ENKUR: variants seen among roughly 807,000 people sequenced by gnomAD.
ENKUR encodes the protein enkurin, TRPC channel interacting protein, also known as enkurin.
Under a neutral mutation model 27.6 loss-of-function variants are expected in ENKUR, and 19 were observed. The observed-to-expected ratio is 0.69, with a 90% CI of 0.48 to 1.01. The LOEUF is 1.01. Among genes scored for constraint, ENKUR ranks in the 50% least tolerant of loss-of-function variants. ENKUR has a pLI of 0.00. For missense variants in ENKUR, 312 were observed against 310.5 expected (o/e 1.00, Z -0.04); for synonymous variants, 117 against 96.9 (o/e 1.21, Z -1.22).
rs183278743 is a variant in ENKUR, at chr10:24,994,420, G to A, written c.447+1226C>T. Reference sequence around the variant, plus strand: ...GCGACCTTGGCTCACTGCAACCCCCGCCTCCTGGGATCAAGCGATTCTCGT... The same window carrying A: ...GCGACCTTGGCTCACTGCAACCCCCACCTCCTGGGATCAAGCGATTCTCGT... On this transcript the variant is annotated intron_variant, in intron 3 of 5. Transcript: ENST00000331161. Among the ~76,000 whole-genome samples the A allele has an allele frequency of 8.7e-5, 13 of 148,724 alleles. No individual in the cohort carries two copies. The East Asian group carries it at 2.2e-3, about 25-fold the overall frequency.
upstream of ENKUR, chr10:25,016,160 C>A (rs1051694497): frequency 8.3e-6 from 10 of 1,198,748 alleles, no homozygotes; most frequent in Non-Finnish European, 1.0e-5. Context: ...GTTGACTGTG[C>A]GGTTGCCGTG....
chr10:25,024,360 A>T (rs1433476333), intron 2 of ENKUR: 1 of 1,613,974 alleles, frequency 6.2e-7, no homozygotes, highest in Non-Finnish European at 8.5e-7. Flanking sequence ...TAGCTACTTC[A>T]GGAGACACAG....
intron 2 of ENKUR, among the ~76,000 whole-genome samples, chr10:25,028,544 C>G (rs1428618370): frequency 2.0e-5 from 3 of 152,162 alleles, no homozygotes; most frequent in Admixed American, 6.5e-5. Context: ...TGTAACCTTT[C>G]TTCTTATGGT....
At chr10:25,061,066 G>A (rs769813403) in intron 2 of ENKUR, 2 of 1,526,292 alleles carry the variant, frequency 1.3e-6, no homozygotes, top group East Asian at 2.4e-5. Flanking sequence ...CTATTAGGCT[G>A]GCTGCCCAGA....
intron 2 of ENKUR, among the ~76,000 whole-genome samples, chr10:25,034,440 T>C (rs1256787372): frequency 6.6e-6 from 1 of 152,184 alleles, no homozygotes; most frequent in East Asian, 1.9e-4. Flanking sequence ...CTGGGTTGAG[T>C]GGCCTAATCT....
intron 2 of ENKUR, among the ~76,000 whole-genome samples, chr10:25,040,241 A>T (rs1851048197): frequency 6.6e-6 from 1 of 152,178 alleles, no homozygotes; most frequent in African/African-American, 2.4e-5. Context: ...GCTAGATTCA[A>T]GGTGTGGGGA....
chr10:24,984,902 G>T lies in ENKUR; in HGVS notation c.598C>A (p.Leu200Met). Residue 200 changes from leucine to methionine, a missense_variant, in exon 5 of 6, where the codon CTG becomes ATG. Leu to Met is a conservative substitution (Grantham distance 15). Transcript: ENST00000331161. ...TGCACCTCTTCCCAGTTCTTTTTCA[G>T]CCCCTGCAAATGGTCAAGAAACTTG... ...DEEREAVLQGLKKNWEEVHKE... is the reference protein window; with the variant it reads ...DEEREAVLQGMKKNWEEVHKE... 1 of 1,610,714 alleles carries T rather than the reference G, an allele frequency of 6.2e-7. No homozygotes were observed.
intron 1 of ENKUR, among the ~76,000 whole-genome samples, chr10:25,013,306 T>C (rs1444956959): frequency 1.3e-5 from 2 of 152,192 alleles, no homozygotes; most frequent in African/African-American, 4.8e-5. Context: ...AATTTGCAAA[T>C]GACACAAAAA....
chr10:25,057,861 C>T (rs972665074), intron 2 of ENKUR, among the ~76,000 whole-genome samples: 4 of 152,080 alleles, frequency 2.6e-5, no homozygotes, highest in African/African-American at 9.7e-5. Context: ...TTTCAGGTCA[C>T]TGGAAATCTC....
At chr10:24,996,663 A>G (rs893501082) in intron 2 of ENKUR, among the ~76,000 whole-genome samples, 2 of 152,180 alleles carry the variant, frequency 1.3e-5, no homozygotes, top group Non-Finnish European at 2.9e-5. Context: ...TTCCAATTTT[A>G]ACCCCATCAC....
In ENKUR at chr10:25,003,181, AATTT is replaced by A. The variant is rs1243249947; in HGVS notation, c.78-3639_78-3636del. 7.6e-3 allele frequency among the ~76,000 whole-genome samples: 1,120 copies of A among 146,978 alleles called. 4 individuals carry two copies. Among genetic ancestry groups the A allele is most frequent in the Admixed American group, 0.012 (176 of 14,800 alleles). ...TCTTTAATTAATTAATTAATTAATT[AATTT>A]ATTTATTTATTCATTTATTTTTTGC... On this transcript the variant is annotated intron_variant, in intron 1 of 5. Transcript: ENST00000331161.
At chr10:24,985,040 TTATCA>T in intron 4 of ENKUR, 135 bp from the exon 5 acceptor site, 1 of 757,996 alleles carries the variant, frequency 1.3e-6, no homozygotes, top group Non-Finnish European at 2.1e-6. Context: ...TGAAATGTAT[TTATCA>T]AGTACTTGGC....
At chr10:24,991,209 C>T (rs1037335235) in intron 3 of ENKUR, among the ~76,000 whole-genome samples, 9 of 152,012 alleles carry the variant, frequency 5.9e-5, no homozygotes, top group African/African-American at 1.9e-4. Flanking sequence ...GCTTTTCTAC[C>T]TTCTACGTTC....
At chr10:24,985,631 T>A (rs928205540) in intron 4 of ENKUR, among the ~76,000 whole-genome samples, 1 of 152,246 alleles carries the variant, frequency 6.6e-6, no homozygotes, top group Non-Finnish European at 1.5e-5. Flanking sequence ...TTAGGAGCAA[T>A]AAAAGTTATT....
intron 1 of ENKUR, among the ~76,000 whole-genome samples, chr10:25,011,731 A>G (rs1321302139): frequency 6.6e-6 from 1 of 152,256 alleles, no homozygotes; most frequent in African/African-American, 2.4e-5. Flanking sequence ...AAATTGACAA[A>G]TGGCAACTTA....
At chr10:25,024,790 A>C in intron 2 of ENKUR, 2 of 1,614,202 alleles carry the variant, frequency 1.2e-6, no homozygotes, top group Non-Finnish European at 1.7e-6. Flanking sequence ...TGCCAAAATG[A>C]TGGGAATCCC....
chr10:24,987,608 A>G (rs1465052729), intron 4 of ENKUR, among the ~76,000 whole-genome samples: 1 of 152,164 alleles, frequency 6.6e-6, no homozygotes, highest in Non-Finnish European at 1.5e-5. Flanking sequence ...TAAAATAAAC[A>G]AACATAAATT....
At chr10:25,028,667 T>C (rs765819280) in intron 2 of ENKUR, among the ~76,000 whole-genome samples, 6 of 152,230 alleles carry the variant, frequency 3.9e-5, no homozygotes, top group African/African-American at 7.2e-5. Flanking sequence ...CACAGAGTTA[T>C]CTACATACAT....
At chr10:25,022,664 GTAA>G (rs1207151612) in intron 2 of ENKUR, among the ~76,000 whole-genome samples, 6 of 152,028 alleles carry the variant, frequency 3.9e-5, no homozygotes, top group African/African-American at 1.4e-4. Flanking sequence ...AAATTTATGA[GTAA>G]TATAGTCTGT....
Sources: gnomAD v4.1 joint callset for allele counts (sites outside exome capture counted in the v4.1 genomes callset) on GRCh38, gnomAD v4.1.1 for gene constraint, MANE v1.5 for transcripts, NCBI Gene and HGNC (gene_info 2026-07-23, HGNC 2026-07-21) for gene names.